ABCC3: variants seen among roughly 807,000 people sequenced by gnomAD.
ABCC3 encodes ATP binding cassette subfamily C member 3.
ABCC3 carries 121 observed loss-of-function variants against 165.3 expected under a neutral mutation model. The ratio of observed to expected loss-of-function variants is 0.73; its 90% CI spans 0.63 to 0.85. The LOEUF is 0.85. ABCC3 is among the 40% of genes least tolerant of loss of function. The pLI is 0.00. For synonymous variants in ABCC3, 733 were observed against 810.1 expected (o/e 0.90, Z 1.62); for missense variants, 1,869 against 1,964.1 (o/e 0.95, Z 0.92).
Position 50,675,870 on chromosome 17 carries a change from C to G in ABCC3, c.2860-13C>G, listed in dbSNP as rs1967792169. The G allele has an allele frequency of 6.2e-7, 1 of 1,613,798 alleles. No individual in the cohort carries two copies. The highest frequency in any genetic ancestry group is 8.5e-7 in the Non-Finnish European group (1 of 1,179,932). On this transcript the variant is annotated splice_polypyrimidine_tract_variant and intron_variant, in intron 21 of 30. Transcript: ENST00000285238. Reference sequence around the variant, plus strand: ...AGTCCCCTGTCCCTGACTGCCATGGCTGCTCCCTACAGGTGGAGCTCAGTG... The same window carrying G: ...AGTCCCCTGTCCCTGACTGCCATGGGTGCTCCCTACAGGTGGAGCTCAGTG...
intron 1 of ABCC3, among the ~76,000 whole-genome samples, chr17:50,643,959 A>G (rs1028926260): frequency 6.6e-5 from 10 of 152,032 alleles, no homozygotes; most frequent in Non-Finnish European, 1.3e-4. Flanking sequence ...TTTTGGGAAG[A>G]GCCATCTCGC....
In ABCC3 at chr17:50,655,712, C is replaced by A. The variant is rs548849536; in HGVS notation, c.46-120C>A. 8.0e-6 allele frequency: 7 copies of A among 875,562 alleles called. No individual in the cohort carries two copies. The African/African-American group carries it at 1.0e-4, about 13-fold the overall frequency. The allele number at this position is 875,562 out of a possible 1,614,324, so 54.2% of individuals were successfully genotyped here. On this transcript the variant is annotated intron_variant, in intron 1 of 30. Coordinates refer to ENST00000285238, the MANE Select transcript of ABCC3 (RefSeq NM_003786.4). Reference sequence around the variant, plus strand: ...TCATTTGTGTACTCTCTCCTCCTCACCTGTCTTCCACTCCACCCCTGTCTC... The same window carrying A: ...TCATTTGTGTACTCTCTCCTCCTCAACTGTCTTCCACTCCACCCCTGTCTC...
At chr17:50,647,252 T>C (rs1289134752) in intron 1 of ABCC3, among the ~76,000 whole-genome samples, 1 of 152,174 alleles carries the variant, frequency 6.6e-6, no homozygotes, top group Non-Finnish European at 1.5e-5. Context: ...AAACACCTCT[T>C]TGTCCAGCTA....
At chr17:50,647,376 G>A (rs1967021384) in intron 1 of ABCC3, among the ~76,000 whole-genome samples, 1 of 152,248 alleles carries the variant, frequency 6.6e-6, no homozygotes, top group Non-Finnish European at 1.5e-5. Flanking sequence ...GGCTGGTTCT[G>A]GCAGGGAGTG....
Position 50,684,055 on chromosome 17 carries a change from T to C in ABCC3, c.4061T>C (p.Val1354Ala), listed in dbSNP as rs1222250716. Residue 1354 changes from valine (V) to alanine (A), a missense_variant, in exon 28 of 31, where the codon GTG becomes GCG. Physicochemically the swap from Val to Ala is moderately conservative, Grantham distance 64. Transcript: ENST00000285238. ...KGEIRIDGLN[V>A]ADIGLHDLRS... ...GAAATCCGCATTGATGGCCTCAATG[T>C]GGCAGACATCGGCCTCCATGACCTG... 2.5e-6 allele frequency: 4 copies of C among 1,613,226 alleles called. No individual in the cohort carries two copies. In the South Asian group the frequency reaches 4.4e-5, roughly 18 times the overall value.
chr17:50,673,600 C>G lies in ABCC3; in HGVS notation c.2541C>G (p.Asn847Lys). 6 of 1,614,210 alleles carry G rather than the reference C, an allele frequency of 3.7e-6. No homozygotes were observed. The highest frequency in any genetic ancestry group is 5.1e-6 in the Non-Finnish European group (6 of 1,180,018). Residue 847 changes from asparagine to lysine, a missense_variant, in exon 19 of 31, where the codon AAC becomes AAG. By Grantham distance (94) the Asn-to-Lys change is moderately conservative. Coordinates refer to ENST00000285238, the MANE Select transcript of ABCC3 (RefSeq NM_003786.4). Reference protein sequence around the residue: ...ALLQRNGSFANFLCNYAPDED... With the variant: ...ALLQRNGSFAKFLCNYAPDED... ...TGCAGCGCAACGGCTCCTTTGCCAACTTTCTCTGCAACTATGCCCCCGATG... is the reference window on the plus strand; with the variant it reads ...TGCAGCGCAACGGCTCCTTTGCCAAGTTTCTCTGCAACTATGCCCCCGATG...
chr17:50,646,371 G>T (rs1284852536), intron 1 of ABCC3, among the ~76,000 whole-genome samples: 1 of 152,198 alleles, frequency 6.6e-6, no homozygotes, highest in Non-Finnish European at 1.5e-5. Context: ...ACATTGTGCA[G>T]GTCTATGCAG....
In ABCC3 at chr17:50,645,800, A is replaced by G. The variant is rs574501903; in HGVS notation, c.46-10032A>G. ...ATTTTTGTAGAGACAGCGTCTTGCT[A>G]TGTTGCCCAGGCTGGTCTCAAACTC... On this transcript the variant is annotated intron_variant, in intron 1 of 30. Transcript: ENST00000285238. Among the ~76,000 whole-genome samples, 9 of 152,216 alleles carry G rather than the reference A, an allele frequency of 5.9e-5. 1 individual carries two copies. The South Asian group carries it at 1.9e-3, about 32-fold the overall frequency.
intron 7 of ABCC3, 115 bp downstream of exon 7, chr17:50,659,483 C>A: frequency 7.7e-7 from 1 of 1,295,400 alleles, no homozygotes; most frequent in Non-Finnish European, 1.0e-6. Flanking sequence ...CAGAGCAGGA[C>A]CAGGTGATTT....
chr17:50,639,573 T>C (rs563252175), intron 1 of ABCC3, among the ~76,000 whole-genome samples: 3 of 152,180 alleles, frequency 2.0e-5, no homozygotes, highest in South Asian at 2.1e-4. Flanking sequence ...GTCCTCTCCA[T>C]TGGGGCAGGA....
At chr17:50,658,295 T>C in intron 5 of ABCC3, 88 bp downstream of exon 5, 1 of 1,602,078 alleles carries the variant, frequency 6.2e-7, no homozygotes, top group South Asian at 1.1e-5. Flanking sequence ...CCAGTTCCTT[T>C]CAAAGTGGGA....
intron 1 of ABCC3, among the ~76,000 whole-genome samples, chr17:50,652,918 C>T (rs1967139142): frequency 6.6e-6 from 1 of 152,158 alleles, no homozygotes; most frequent in African/African-American, 2.4e-5. Flanking sequence ...TAGAACTCAC[C>T]CATGACCTCC....
chr17:50,684,094 C>T lies in ABCC3; in HGVS notation c.4100C>T (p.Thr1367Ile). The T allele has an allele frequency of 1.2e-6, 2 of 1,613,092 alleles. No homozygotes were observed. Among genetic ancestry groups the T allele is most frequent in the East Asian group, 2.2e-5 (1 of 44,800 alleles). ...CTCCATGACCTGCGCTCTCAGCTGA[C>T]CATCATCCCGCAGGTAGGAGCCTGG... ...IGLHDLRSQLTIIPQDPILFS... is the reference protein window; with the variant it reads ...IGLHDLRSQLIIIPQDPILFS... The change falls in exon 28 of 31, where the codon ACC becomes ATC. Residue 1367 changes from threonine to isoleucine, a missense_variant. By Grantham distance (89) the Thr-to-Ile change is moderately conservative (BLOSUM62 -1). Transcript: ENST00000285238.
intron 1 of ABCC3, chr17:50,635,572 A>C (rs971671095): frequency 5.7e-6 from 4 of 702,604 alleles, no homozygotes; most frequent in Non-Finnish European, 1.0e-5. Flanking sequence ...CGGACTCAGA[A>C]GGGAGAAGCA....
chr17:50,684,941 G>A (rs1967996915), intron 29 of ABCC3, 66 bp downstream of exon 29: 1 of 1,555,388 alleles, frequency 6.4e-7, no homozygotes, highest in Non-Finnish European at 8.7e-7. Context: ...CGGGTGCTGG[G>A]AAACCTGACA....
At position 50,667,982 on chromosome 17, in the gene ABCC3, GC is replaced by G. The variant is rs1386384100; in HGVS notation, c.1759del (p.Gln587SerfsTer2). ...TCTTAAGACTTCCCCTCAACATGCT[GC>G]CCCAGTTAATCAGCAACCTGACTCA... ...NILRLPLNML[P>X]QLISNLTQAS... On this transcript the variant is annotated frameshift_variant, in exon 13 of 31. Coordinates refer to ENST00000285238, the MANE Select transcript of ABCC3 (RefSeq NM_003786.4). LOFTEE classifies it high-confidence loss of function. The G allele has an allele frequency of 5.2e-5, 84 of 1,614,084 alleles. No individual in the cohort carries two copies. The highest frequency in any genetic ancestry group is 6.9e-5 in the Non-Finnish European group (82 of 1,180,036).
intron 1 of ABCC3, among the ~76,000 whole-genome samples, chr17:50,645,237 G>A (rs1157783590): frequency 6.7e-6 from 1 of 150,104 alleles, no homozygotes; most frequent in East Asian, 2.0e-4. Flanking sequence ...AACCAGCCGT[G>A]GTGGTGCACG....
At position 50,676,393 on chromosome 17, in the gene ABCC3, C is replaced by T. The variant is rs1399582285; in HGVS notation, c.3183C>T (p.Asp1061=). Residue 1061 remains aspartate (D), a synonymous_variant, in exon 23 of 31, where the codon GAC becomes GAT. Coordinates refer to ENST00000285238, the MANE Select transcript of ABCC3 (RefSeq NM_003786.4). ...TACGCTCGCCACAGTCCTTCTTTGA[C>T]ACCACACCATCAGGCCGCATCCTGA... ...NKIRSPQSFF[D]TTPSGRILNC... is the part of the protein sequence containing the mutation. 4.3e-6 allele frequency: 7 copies of T among 1,614,112 alleles called. No individual in the cohort carries two copies. Among genetic ancestry groups the T allele is most frequent in the Non-Finnish European group, 5.9e-6 (7 of 1,180,050 alleles).
intron 28 of ABCC3, 123 bp downstream of exon 28, chr17:50,684,230 G>A (rs1967981161): frequency 7.6e-7 from 1 of 1,307,754 alleles, no homozygotes; most frequent in Non-Finnish European, 1.0e-6. Flanking sequence ...GGTGGGGAGG[G>A]ACAGACAGCA....
Sources: allele counts gnomAD v4.1 joint callset (sites outside exome capture counted in the v4.1 genomes callset), GRCh38; gene constraint gnomAD v4.1.1; transcripts MANE v1.5; gene names NCBI Gene and HGNC (gene_info 2026-07-23, HGNC 2026-07-21).